DAB1: variants seen among roughly 807,000 people sequenced by gnomAD.
The protein encoded by DAB1 is disabled homolog 1.
DAB1 carries 15 observed loss-of-function variants against 64.6 expected under a neutral mutation model. The ratio of observed to expected loss-of-function variants is 0.23; its 90% CI spans 0.16 to 0.36. The LOEUF (loss-of-function observed/expected upper bound fraction) is 0.36, where lower values mean the gene tolerates loss of function less well. Ranked by LOEUF, DAB1 falls within the 10% of genes least tolerant of loss-of-function variation. DAB1 has a pLI of 1.00. For synonymous variants in DAB1, 235 were observed against 251.9 expected, an observed-to-expected ratio of 0.93 and a Z score of 0.64; for missense variants, 596 against 706.7, an observed-to-expected ratio of 0.84 and a Z score of 1.78.
At chr1:57,297,739 T>C (rs1011285337) in intron 1 of DAB1, among the ~76,000 whole-genome samples, 4 of 152,194 alleles carry the variant, frequency 2.6e-5, no homozygotes, top group Admixed American at 2.0e-4. Context: ...CAAAGAAATA[T>C]GTAACTAAGT....
chr1:58,433,415 C>T (rs533729421), intron 3 of DAB1, among the ~76,000 whole-genome samples: 24 of 152,044 alleles, frequency 1.6e-4, no homozygotes, highest in African/African-American at 5.5e-4. Flanking sequence ...TAACAGAATA[C>T]CACAGACTGA....
At chr1:57,680,800 C>A (rs141392703) in intron 6 of DAB1, among the ~76,000 whole-genome samples, 1 of 152,220 alleles carries the variant, frequency 6.6e-6, no homozygotes, top group South Asian at 2.1e-4. Context: ...GAAAACCATG[C>A]GATAGTACAG....
intron 6 of DAB1, among the ~76,000 whole-genome samples, chr1:57,787,189 A>T (rs7548988): frequency 0.066 from 10,074 of 152,270 alleles, 1,165 homozygotes; most frequent in African/African-American, 0.23. Context: ...TAAAAATGTA[A>T]ATATCTAATA....
Position 57,101,955 on chromosome 1 carries a change from G to GA in DAB1, c.307-29542_307-29541insT, listed in dbSNP as rs1570694177. On this transcript the variant is annotated intron_variant, in intron 4 of 14. Transcript: ENST00000371236. ...CCTAAAGCCATTGAGCTAGTATGCT[G>GA]GTGGAGCTGAGATTTGAATCCAGGC... is the stretch of plus-strand genomic sequence containing the variant. Among the ~76,000 whole-genome samples, 7 of 152,278 alleles carry GA rather than the reference G, an allele frequency of 4.6e-5. No individual in the cohort carries two copies. In the East Asian group the frequency reaches 1.4e-3, roughly 29 times the overall value.
chr1:58,546,369 G>A (rs1285465469), intron 1 of DAB1, among the ~76,000 whole-genome samples: 2 of 152,214 alleles, frequency 1.3e-5, no homozygotes, highest in East Asian at 3.9e-4. Flanking sequence ...GGCGGGCTGA[G>A]GGGGAGGGCA....
At chr1:57,773,220 T>C (rs185593278) in intron 6 of DAB1, among the ~76,000 whole-genome samples, 45 of 152,174 alleles carry the variant, frequency 3.0e-4, no homozygotes, top group Admixed American at 6.6e-4. Flanking sequence ...GAAATTAACA[T>C]AGCATTTTTT....
chr1:57,540,758 A>G (rs1644792049), intron 7 of DAB1, among the ~76,000 whole-genome samples: 1 of 152,230 alleles, frequency 6.6e-6, no homozygotes, highest in Admixed American at 6.5e-5. Flanking sequence ...ACAGAAGATC[A>G]TAAGCTGATC....
At chr1:57,910,720 A>G (rs1469439230) in intron 5 of DAB1, among the ~76,000 whole-genome samples, 3 of 152,216 alleles carry the variant, frequency 2.0e-5, no homozygotes, top group Non-Finnish European at 1.5e-5. Flanking sequence ...GTGTATGTTC[A>G]ACTAAGCCAC....
At chr1:58,452,398 TA>T (rs200485052) in intron 3 of DAB1, among the ~76,000 whole-genome samples, 16 of 145,300 alleles carry the variant, frequency 1.1e-4, no homozygotes, top group South Asian at 6.5e-4. Context: ...TGAAAATGGC[TA>T]AAAAAAAAAG....
At chr1:58,440,166 T>C (rs1291847780) in intron 3 of DAB1, among the ~76,000 whole-genome samples, 1 of 152,226 alleles carries the variant, frequency 6.6e-6, no homozygotes, top group Non-Finnish European at 1.5e-5. Flanking sequence ...ATGCTTCCAA[T>C]TGAAATCTGA....
intron 7 of DAB1, among the ~76,000 whole-genome samples, chr1:57,553,457 A>AG (rs1644945951): frequency 1.9e-5 from 2 of 105,880 alleles, no homozygotes; most frequent in African/African-American, 3.3e-5. Flanking sequence ...AGAAAGAAAG[A>AG]AAGAGAAAGG....
Position 58,431,461 on chromosome 1 carries a change from G to C in DAB1, n.257+74599C>G, listed in dbSNP as rs377210268. 1.9e-4 allele frequency among the ~76,000 whole-genome samples: 28 copies of C among 151,262 alleles called. 1 individual carries two copies. The highest frequency in any genetic ancestry group is 6.8e-4 in the African/African-American group (28 of 41,248). On this transcript the variant is annotated intron_variant and non_coding_transcript_variant, in intron 3 of 20. Transcript: ENST00000485760. ...TAGTCCCAGCTACTTGGGAGGCTGA[G>C]GCAGGAGAATCGCTTGAACCCGGGA...
At chr1:57,426,470 A>T (rs1685289570), upstream of DAB1, among the ~76,000 whole-genome samples, 1 of 152,250 alleles carries the variant, frequency 6.6e-6, no homozygotes. Context: ...TCATGAAATA[A>T]GTCACCTAAT....
chr1:57,478,710 A>T (rs1410348743), intron 7 of DAB1, among the ~76,000 whole-genome samples: 1 of 147,190 alleles, frequency 6.8e-6, no homozygotes, highest in Non-Finnish European at 1.5e-5. Flanking sequence ...CTCCTGCCTC[A>T]GCCTCCCAAG....
chr1:57,110,922 G>A (rs1410157386), intron 4 of DAB1, among the ~76,000 whole-genome samples: 1 of 151,802 alleles, frequency 6.6e-6, no homozygotes, highest in African/African-American at 2.4e-5. Flanking sequence ...CCTAACTCCA[G>A]CCTTGATATT....
chr1:57,655,459 T>A (rs1646307175), intron 6 of DAB1, among the ~76,000 whole-genome samples: 1 of 152,002 alleles, frequency 6.6e-6, no homozygotes, highest in Non-Finnish European at 1.5e-5. Context: ...CATCCACCCA[T>A]CTATCCTTCC....
chr1:57,927,720 T>G (rs1557560827), intron 5 of DAB1, among the ~76,000 whole-genome samples: 2 of 152,160 alleles, frequency 1.3e-5, no homozygotes, highest in Non-Finnish European at 2.9e-5. Context: ...GAAAGTACAT[T>G]CCTTAAAACA....
intron 4 of DAB1, among the ~76,000 whole-genome samples, chr1:58,241,465 T>A (rs1377159238): frequency 6.6e-6 from 1 of 151,970 alleles, no homozygotes; most frequent in African/African-American, 2.4e-5. Context: ...ATCACACACA[T>A]CACTACTGTC....
At chr1:57,594,932 G>C (rs1385519339) in intron 7 of DAB1, among the ~76,000 whole-genome samples, 1 of 151,760 alleles carries the variant, frequency 6.6e-6, no homozygotes, top group Non-Finnish European at 1.5e-5. Context: ...GGATGTTCTC[G>C]ATCTCCTGAC....
Sources: allele counts gnomAD v4.1 joint callset (sites outside exome capture counted in the v4.1 genomes callset), GRCh38; gene constraint gnomAD v4.1.1; transcripts MANE v1.5; gene names NCBI Gene and HGNC (gene_info 2026-07-23, HGNC 2026-07-21).